The following ART4 variants were observed in gnomAD, a reference collection of about 807,000 sequenced individuals.
ART4 encodes ecto-ADP-ribosyltransferase 4.
A neutral mutation model predicts 24.2 loss-of-function variants in ART4; 14 were observed. The ratio of observed to expected loss-of-function variants is 0.58; its 90% CI spans 0.38 to 0.90. The LOEUF is 0.90. Ranked by LOEUF, ART4 falls within the 40% of genes least tolerant of loss-of-function variation. The pLI is 0.00. For synonymous variants in ART4, 145 were observed against 139.9 expected (o/e 1.04, Z -0.26); for missense variants, 356 against 366.6 (o/e 0.97, Z 0.24).
chr12:14,826,845 A>T lies in ART4; in HGVS notation c.*2526T>A, dbSNP rs556565624. On this transcript the variant is annotated 3_prime_UTR_variant, in exon 3 of 3. Coordinates refer to ENST00000228936, the MANE Select transcript of ART4 (RefSeq NM_021071.4). The stretch of plus-strand genomic sequence containing the variant: ...TCACATTTTTCTCTCAGCTCCAAGC[A>T]TTTAATATTTGGCCTTGTTTTGGGC... 2 of 152,326 alleles carry T rather than the reference A, an allele frequency of 1.3e-5. No individual in the cohort carries two copies. Among genetic ancestry groups the T allele is most frequent in the East Asian group, 3.9e-4 (2 of 5,186 alleles). 9.4% of individuals were successfully genotyped at this position (152,326 alleles called of 1,614,324 possible). A position where few individuals can be genotyped will look rare whatever the true frequency, so the allele number is the denominator to read the frequency against.
Position 14,842,958 on chromosome 12 carries a change from T to C in ART4, c.144+12A>G, listed in dbSNP as rs1481795510. On this transcript the variant is annotated intron_variant, in intron 1 of 2. Transcript: ENST00000228936. ...GATCATAAAGAGATCACCCCCTCAA[T>C]TGTCCCCCTACCTCAGAACCCTCTG... is the stretch of plus-strand genomic sequence containing the variant. 6.2e-7 allele frequency: 1 copy of C among 1,607,200 alleles called. No individual in the cohort carries two copies. The highest frequency in any genetic ancestry group is 1.1e-5 in the South Asian group (1 of 90,148).
At chr12:14,839,274 TA>T (rs1415671162) in intron 2 of ART4, among the ~76,000 whole-genome samples, 2 of 152,172 alleles carry the variant, frequency 1.3e-5, no homozygotes, top group African/African-American at 4.8e-5. Flanking sequence ...TCTTTTCCCA[TA>T]TCCTACACAT....
Position 14,827,558 on chromosome 12 carries a change from C to G in ART4, c.*1813G>C, listed in dbSNP as rs148468069. Reference sequence around the variant, plus strand: ...AGCTGGGATTACAGGTGCGTGCCACCATGCCTGGCTAATTTTTGTATTTGT... The same window carrying G: ...AGCTGGGATTACAGGTGCGTGCCACGATGCCTGGCTAATTTTTGTATTTGT... On this transcript the variant is annotated 3_prime_UTR_variant, in exon 3 of 3. Transcript: ENST00000228936. 146 of 152,508 alleles carry G rather than the reference C, an allele frequency of 9.6e-4. No individual in the cohort carries two copies. Among genetic ancestry groups the G allele is most frequent in the African/African-American group, 3.4e-3 (142 of 41,534 alleles). 9.4% of individuals were successfully genotyped at this position (152,508 alleles called of 1,614,324 possible).
Position 14,841,140 on chromosome 12 carries a change from A to AT in ART4, c.157dup (p.Ile53AsnfsTer11). 1 of 1,574,092 alleles carries AT rather than the reference A, an allele frequency of 6.4e-7. No individual in the cohort carries two copies. Among genetic ancestry groups the AT allele is most frequent in the Non-Finnish European group, 8.6e-7 (1 of 1,166,080 alleles). On this transcript the variant is annotated frameshift_variant, in exon 2 of 3. Coordinates refer to ENST00000228936, the MANE Select transcript of ART4 (RefSeq NM_021071.4). LOFTEE classifies it high-confidence loss of function. ...AGAACCTGGTGCGAAGTCGAAGTCGATTTTAATTGCAACCTGTAAAAAAAG... is the reference window on the plus strand; with the variant it reads ...AGAACCTGGTGCGAAGTCGAAGTCGATTTTTAATTGCAACCTGTAAAAAAAG...
Position 14,841,126 on chromosome 12 carries a change from C to T in ART4, c.172G>A (p.Ala58Thr), listed in dbSNP as rs199993800. 40 of 1,568,832 alleles carry T rather than the reference C, an allele frequency of 2.5e-5. No individual in the cohort carries two copies. The East Asian group carries it at 5.4e-4, about 21-fold the overall frequency. ...EVAIKIDFDF[A>T]PGSFDDQYQG... ...TACTGATCATCAAAAGAACCTGGTGCGAAGTCGAAGTCGATTTTAATTGCA... is the reference window on the plus strand; with the variant it reads ...TACTGATCATCAAAAGAACCTGGTGTGAAGTCGAAGTCGATTTTAATTGCA... Residue 58 changes from alanine to threonine, a missense_variant, in exon 2 of 3, where the codon GCA (alanine) becomes ACA (threonine). Coordinates refer to ENST00000228936, the MANE Select transcript of ART4 (RefSeq NM_021071.4).
At chr12:14,837,341 G>T (rs1324683824) in intron 2 of ART4, among the ~76,000 whole-genome samples, 1 of 152,022 alleles carries the variant, frequency 6.6e-6, no homozygotes, top group Non-Finnish European at 1.5e-5. Flanking sequence ...AATTAATTGT[G>T]TTAGATGGTC....
At position 14,829,243 on chromosome 12, in the gene ART4, ACT is replaced by A; in HGVS notation, c.*126_*127del. On this transcript the variant is annotated 3_prime_UTR_variant, in exon 3 of 3. Coordinates refer to ENST00000228936, the MANE Select transcript of ART4 (RefSeq NM_021071.4). ...AGAATTAGCAAAGAGGAGGCCATGCACTGGTTTCAGCAGAAGTATGATGGGAT... is the reference window on the plus strand; with the variant it reads ...AGAATTAGCAAAGAGGAGGCCATGCAGGTTTCAGCAGAAGTATGATGGGAT... 1 of 616,840 alleles carries A rather than the reference ACT, an allele frequency of 1.6e-6. No individual in the cohort carries two copies. Among genetic ancestry groups the A allele is most frequent in the Non-Finnish European group, 2.6e-6 (1 of 379,088 alleles). 38.2% of individuals were successfully genotyped at this position (616,840 alleles called of 1,614,324 possible). A position where few individuals can be genotyped will look rare whatever the true frequency, so the allele number is the denominator to read the frequency against.
chr12:14,831,666 A>T (rs1357961068), intron 2 of ART4, among the ~76,000 whole-genome samples: 1 of 152,032 alleles, frequency 6.6e-6, no homozygotes, highest in African/African-American at 2.4e-5. Context: ...TGGGGAGCTC[A>T]TCCAGTCTCT....
intron 2 of ART4, among the ~76,000 whole-genome samples, chr12:14,834,267 A>G (rs1950414439): frequency 6.6e-6 from 1 of 152,204 alleles, no homozygotes; most frequent in Admixed American, 6.5e-5. Context: ...TGAGACAGAC[A>G]CTCTACTTCA....
rs541845315 is a variant in ART4, at chr12:14,826,446, T to C, written c.*2925A>G. On this transcript the variant is annotated 3_prime_UTR_variant, in exon 3 of 3. Coordinates refer to ENST00000228936, the MANE Select transcript of ART4 (RefSeq NM_021071.4). ...ATAGCAGAATCATCTAGAGGACTTA[T>C]TAAAACAGACTGTTCAATTTCTGTA... 1.3e-5 allele frequency: 2 copies of C among 152,342 alleles called. No homozygotes were observed. The highest frequency in any genetic ancestry group is 1.9e-4 in the East Asian group (1 of 5,182). 9.4% of individuals were successfully genotyped at this position (152,342 alleles called of 1,614,324 possible).
chr12:14,833,122 A>T (rs1416942502), intron 2 of ART4, among the ~76,000 whole-genome samples: 1 of 152,078 alleles, frequency 6.6e-6, no homozygotes, highest in Non-Finnish European at 1.5e-5. Flanking sequence ...TGATCAATTG[A>T]TGGGTTGTGA....
chr12:14,843,216 G>C lies in ART4; in HGVS notation c.-103C>G. 1 of 1,467,370 alleles carries C rather than the reference G, an allele frequency of 6.8e-7. No homozygotes were observed. Among genetic ancestry groups the C allele is most frequent in the Admixed American group, 1.9e-5 (1 of 51,334 alleles). The allele number at this position is 1,467,370 out of a possible 1,614,324, so 90.9% of individuals were successfully genotyped here. ...TTTTCTTTCAGTCTCATCCGTAACC[G>C]TTTTTTCCCCTGTCTATGCTGAGCA... is the stretch of plus-strand genomic sequence containing the variant. On this transcript the variant is annotated 5_prime_UTR_variant, in exon 1 of 3. Transcript: ENST00000228936.
At position 14,827,064 on chromosome 12, in the gene ART4, T is replaced by G. The variant is rs1460931284; in HGVS notation, c.*2307A>C. 6.6e-6 allele frequency: 1 copy of G among 150,636 alleles called. No homozygotes were observed. 9.3% of individuals were successfully genotyped at this position (150,636 alleles called of 1,614,324 possible). A position where few individuals can be genotyped will look rare whatever the true frequency, so the allele number is the denominator to read the frequency against. The stretch of plus-strand genomic sequence containing the variant: ...AGAAAACTTGATTTTTGCCTTTTTT[T>G]TTTTTGGCATTTCACTTGTGGCTTG... On this transcript the variant is annotated 3_prime_UTR_variant, in exon 3 of 3. Transcript: ENST00000228936.
chr12:14,836,658 G>GTCT (rs1950433131), intron 2 of ART4, among the ~76,000 whole-genome samples: 1 of 152,182 alleles, frequency 6.6e-6, no homozygotes, highest in Non-Finnish European at 1.5e-5. Flanking sequence ...GCTTAGGTAG[G>GTCT]TCAGGTAGAA....
rs777317436 is a variant in ART4, at chr12:14,840,755, C to G, written c.543G>C (p.Leu181=). ...TCGTCCTATAATGCACCTCATAGCA[C>G]AGAGTGCCATTCTCCATGATGCTGT... The part of the protein sequence containing the change: ...RKDSIMENGT[L]CYEVHYRTKD... Residue 181 remains leucine (L), a synonymous_variant, in exon 2 of 3, where the codon CTG becomes CTC. Coordinates refer to ENST00000228936, the MANE Select transcript of ART4 (RefSeq NM_021071.4). 4 of 1,614,142 alleles carry G rather than the reference C, an allele frequency of 2.5e-6. No homozygotes were observed. Among genetic ancestry groups the G allele is most frequent in the Non-Finnish European group, 3.4e-6 (4 of 1,180,022 alleles).
rs1301361100 is a variant in ART4 at position 14,828,675 on chromosome 12, C to T, written c.*696G>A. ...TCGTTGGAACTTCAACTGCTTGATG[C>T]TTGACATAGAAAATCTAATTCAAAT... On this transcript the variant is annotated 3_prime_UTR_variant, in exon 3 of 3. Coordinates refer to ENST00000228936, the MANE Select transcript of ART4 (RefSeq NM_021071.4). 6.6e-6 allele frequency: 1 copy of T among 152,118 alleles called. No individual in the cohort carries two copies. Among genetic ancestry groups the T allele is most frequent in the Non-Finnish European group, 1.5e-5 (1 of 68,032 alleles). 9.4% of individuals were successfully genotyped at this position (152,118 alleles called of 1,614,324 possible).
Position 14,840,852 on chromosome 12 carries a change from T to C in ART4, c.446A>G (p.Gln149Arg). 3 of 1,614,212 alleles carry C rather than the reference T, an allele frequency of 1.9e-6. No individual in the cohort carries two copies. The highest frequency in any genetic ancestry group is 2.2e-5 in the East Asian group (1 of 44,882). Residue 149 changes from glutamine to arginine, a missense_variant, in exon 2 of 3, where the codon CAG becomes CGG. By Grantham distance (43) the Gln-to-Arg change is conservative (BLOSUM62 1). Transcript: ENST00000228936. ...AMASVARTPQ[Q>R]YERSFHFKYL... ...TTTGAAGTGGAATGAACGTTCATAC[T>C]GCTGTGGAGTCCTGGCAACAGAGGC...
At chr12:14,837,659 A>G (rs538932287) in intron 2 of ART4, among the ~76,000 whole-genome samples, 2 of 152,126 alleles carry the variant, frequency 1.3e-5, no homozygotes, top group African/African-American at 2.4e-5. Flanking sequence ...GACTGCATGT[A>G]TGTGCCATGA....
At chr12:14,838,922 A>G (rs987227191) in intron 2 of ART4, among the ~76,000 whole-genome samples, 14 of 150,630 alleles carry the variant, frequency 9.3e-5, no homozygotes, top group Non-Finnish European at 1.8e-4. Context: ...TTTCTGAATC[A>G]AAAAGGGCAC....
Sources: gnomAD v4.1 joint callset for allele counts (sites outside exome capture counted in the v4.1 genomes callset) on GRCh38, gnomAD v4.1.1 for gene constraint, MANE v1.5 for transcripts, NCBI Gene and HGNC (gene_info 2026-07-23, HGNC 2026-07-21) for gene names.